KIF3C: variants seen among roughly 807,000 people sequenced by gnomAD.
KIF3C encodes kinesin family member 3C.
A neutral mutation model predicts 67.7 loss-of-function variants in KIF3C; 12 were observed. The ratio of observed to expected loss-of-function variants is 0.18; its 90% CI spans 0.11 to 0.29. The LOEUF is 0.29. Ranked by LOEUF, KIF3C falls within the 10% of genes least tolerant of loss-of-function variation. The pLI is 1.00. For missense variants in KIF3C, 789 were observed against 1,059.6 expected (o/e 0.74, Z 3.55); for synonymous variants, 393 against 426.2 (o/e 0.92, Z 0.96).
chr2:25,939,455 C>T (rs1216480989), intron 5 of KIF3C, among the ~76,000 whole-genome samples: 1 of 152,182 alleles, frequency 6.6e-6, no homozygotes, highest in Non-Finnish European at 1.5e-5. Context: ...CATTTCCCCT[C>T]CATGCTGTCC....
At chr2:25,974,285 G>T (rs1664356583) in intron 1 of KIF3C, among the ~76,000 whole-genome samples, 1 of 152,108 alleles carries the variant, frequency 6.6e-6, no homozygotes, top group Admixed American at 6.6e-5. Flanking sequence ...GTCCAGGCTG[G>T]TCTCAGTCTC....
intron 1 of KIF3C, among the ~76,000 whole-genome samples, chr2:25,967,947 G>C (rs1013660602): frequency 6.6e-6 from 1 of 152,052 alleles, no homozygotes; most frequent in Non-Finnish European, 1.5e-5. Flanking sequence ...TCGCTGTTTC[G>C]GTATCTCATT....
At chr2:25,929,546 T>A in intron 6 of KIF3C, 69 bp from the exon 7 acceptor site, 1 of 1,415,064 alleles carries the variant, frequency 7.1e-7, no homozygotes, top group East Asian at 2.3e-5. Context: ...ACTCAGCCAG[T>A]CTTGGGTGTA....
At chr2:25,979,962 A>G (rs186226915) in intron 1 of KIF3C, among the ~76,000 whole-genome samples, 78 of 152,252 alleles carry the variant, frequency 5.1e-4, no homozygotes, top group African/African-American at 1.7e-3. Context: ...ATATTATTAA[A>G]ACGACGTGAG....
intron 1 of KIF3C, among the ~76,000 whole-genome samples, chr2:25,976,207 C>A (rs1282588232): frequency 6.6e-6 from 1 of 152,174 alleles, no homozygotes; most frequent in Admixed American, 6.5e-5. Flanking sequence ...AGTTCGCATT[C>A]CTCCTTATGA....
intron 5 of KIF3C, among the ~76,000 whole-genome samples, chr2:25,946,310 T>C (rs1405982788): frequency 6.6e-6 from 1 of 152,040 alleles, no homozygotes; most frequent in Non-Finnish European, 1.5e-5. Context: ...ATCCCAGCAC[T>C]TTGGGAGGCC....
At chr2:25,949,353 C>T (rs34344489) in intron 5 of KIF3C, among the ~76,000 whole-genome samples, 2,940 of 152,094 alleles carry the variant, frequency 0.019, 53 homozygotes, top group Middle Eastern at 0.044. Flanking sequence ...GCAGGCAGAT[C>T]GCTTCAGCCC....
rs1162654297 is a variant in KIF3C, at chr2:25,950,700, G to A, written c.2006+1089C>T. Reference sequence around the variant, plus strand: ...CTGCAGGTATTCTAGCTCCAGCCAGGGTGGAAAACCTCTATGACAGCTGAT... The same window carrying A: ...CTGCAGGTATTCTAGCTCCAGCCAGAGTGGAAAACCTCTATGACAGCTGAT... On this transcript the variant is annotated intron_variant, in intron 5 of 7. Coordinates refer to ENST00000264712, the MANE Select transcript of KIF3C (RefSeq NM_002254.8). Among the ~76,000 whole-genome samples the A allele has an allele frequency of 3.3e-5, 5 of 151,086 alleles. No individual in the cohort carries two copies. The East Asian group carries it at 9.6e-4, about 29-fold the overall frequency.
chr2:25,960,306 TC>T (rs1663913485), intron 1 of KIF3C, among the ~76,000 whole-genome samples: 1 of 152,168 alleles, frequency 6.6e-6, no homozygotes, highest in South Asian at 2.1e-4. Flanking sequence ...GTACTGAGAT[TC>T]CCAGGTAATT....
intron 1 of KIF3C, among the ~76,000 whole-genome samples, chr2:25,957,817 T>G (rs561438213): frequency 5.9e-5 from 9 of 152,314 alleles, no homozygotes; most frequent in African/African-American, 1.7e-4. Flanking sequence ...ACGAGCTTCA[T>G]TCCAGCCCCA....
chr2:25,962,884 TATATA>T (rs1315600557), intron 1 of KIF3C, among the ~76,000 whole-genome samples: 2 of 69,718 alleles, frequency 2.9e-5, no homozygotes, highest in Non-Finnish European at 5.0e-5. Flanking sequence ...ATATAAAATA[TATATA>T]ATATAAAATA....
rs757127949 is a variant in KIF3C at position 25,980,613 on chromosome 2, C to A, written c.1305G>T (p.Glu435Asp). 6.2e-7 allele frequency: 1 copy of A among 1,613,898 alleles called. No homozygotes were observed. Among genetic ancestry groups the A allele is most frequent in the African/African-American group, 1.3e-5 (1 of 74,876 alleles). The change falls in exon 1 of 8, where the codon GAG becomes GAT. Residue 435 changes from glutamate (E) to aspartate (D), a missense_variant. By Grantham distance (45) the Glu-to-Asp change is conservative. Coordinates refer to ENST00000264712, the MANE Select transcript of KIF3C (RefSeq NM_002254.8). This position sits in a 1 kb window ranked among gnomAD's most constrained non-coding sequence, Gnocchi z 7.6. ...PVIEAWVAEE[E>D]DDNNNNHRPP... Reference sequence around the variant, plus strand: ...GGCGGTGGTTGTTGTTGTTGTCATCCTCCTCTTCTGCCACCCAGGCCTCAA... The same window carrying A: ...GGCGGTGGTTGTTGTTGTTGTCATCATCCTCTTCTGCCACCCAGGCCTCAA...
Position 25,961,798 on chromosome 2 carries a change from G to GCTTA in KIF3C, c.1546-5358_1546-5355dup, listed in dbSNP as rs1663950160. Among the ~76,000 whole-genome samples, 3 of 152,062 alleles carry GCTTA rather than the reference G, an allele frequency of 2.0e-5. No individual in the cohort carries two copies. The South Asian group carries it at 6.2e-4, about 32-fold the overall frequency. ...CAGAGAGAAGATCAAGAGAAGGGAGGCTTAGGCCGGGCGCAGTGGCTCAAG... is the reference window on the plus strand; with the variant it reads ...CAGAGAGAAGATCAAGAGAAGGGAGGCTTACTTAGGCCGGGCGCAGTGGCTCAAG... On this transcript the variant is annotated intron_variant, in intron 1 of 7. Transcript: ENST00000264712.
intron 5 of KIF3C, among the ~76,000 whole-genome samples, chr2:25,938,641 G>A (rs1206597125): frequency 1.3e-5 from 2 of 152,184 alleles, no homozygotes; most frequent in East Asian, 1.9e-4. Context: ...GGGGAAGGGA[G>A]TCTGTAATTG....
chr2:25,971,899 T>A (rs1040011943), intron 1 of KIF3C, among the ~76,000 whole-genome samples: 3 of 137,550 alleles, frequency 2.2e-5, no homozygotes, highest in Non-Finnish European at 3.1e-5. Flanking sequence ...TTTTTTTTTT[T>A]ACTTTTTTGT....
At position 25,980,594 on chromosome 2, in the gene KIF3C, GGTTGTTGTT is replaced by G. The variant is rs779696548; in HGVS notation, c.1315_1323del (p.Asn439_Asn441del). ...TCCAGGATGGGCTGGGGCGGGCGGT[GGTTGTTGTT>G]GTTGTCATCCTCCTCTTCTGCCACC... On this transcript the variant is annotated inframe_deletion, in exon 1 of 8. Coordinates refer to ENST00000264712, the MANE Select transcript of KIF3C (RefSeq NM_002254.8). The surrounding 1 kb of genome is among the most constrained non-coding windows in gnomAD (Gnocchi z 7.6). The G allele has an allele frequency of 6.2e-7, 1 of 1,614,044 alleles. No homozygotes were observed. Among genetic ancestry groups the G allele is most frequent in the East Asian group, 2.2e-5 (1 of 44,878 alleles).
intron 5 of KIF3C, among the ~76,000 whole-genome samples, chr2:25,950,865 G>T (rs1364246652): frequency 1.5e-5 from 2 of 131,526 alleles, no homozygotes; most frequent in African/African-American, 2.8e-5. Flanking sequence ...CTTTAAGAAA[G>T]ATCAAATAGG....
intron 1 of KIF3C, among the ~76,000 whole-genome samples, chr2:25,963,662 GAAGTATT>G (rs1574493178): frequency 7.5e-6 from 1 of 134,016 alleles, no homozygotes; most frequent in African/African-American, 2.8e-5. Flanking sequence ...TCATAGGCAT[GAAGTATT>G]ATTATTATTA....
intron 5 of KIF3C, among the ~76,000 whole-genome samples, chr2:25,946,297 A>G (rs1335402234): frequency 1.3e-5 from 2 of 151,860 alleles, no homozygotes; most frequent in Non-Finnish European, 2.9e-5. Context: ...GCTTGTGCCT[A>G]TAATCCCAGC....
Sources: gnomAD v4.1 joint callset for allele counts (sites outside exome capture counted in the v4.1 genomes callset) on GRCh38, gnomAD v4.1.1 for gene constraint, Gnocchi (gnomAD v3.1) non-coding constraint, MANE v1.5 for transcripts, NCBI Gene and HGNC (gene_info 2026-07-23, HGNC 2026-07-21) for gene names.